AGBL1: variants seen among roughly 807,000 people sequenced by gnomAD.
AGBL1 encodes the protein AGBL carboxypeptidase 1, also known as cytosolic carboxypeptidase 4.
Under a neutral mutation model 118.9 loss-of-function variants are expected in AGBL1, and 130 were observed. That is an observed-to-expected ratio of 1.09 (90% CI 0.95 to 1.26). The LOEUF is 1.26. Among genes scored for constraint, AGBL1 ranks in the 50% most tolerant of loss-of-function variants. The pLI, the probability that AGBL1 is intolerant of heterozygous loss-of-function variation, is 0.00. For missense variants in AGBL1, 1,584 were observed against 1,298.1 expected (o/e 1.22, Z -3.38); for synonymous variants, 555 against 478.9 (o/e 1.16, Z -2.08).
intron 18 of AGBL1, among the ~76,000 whole-genome samples, chr15:86,495,315 C>G (rs569559935): frequency 6.6e-6 from 1 of 150,854 alleles, no homozygotes; most frequent in South Asian, 2.1e-4. Context: ...CAAAACAAAA[C>G]GAAACTCTAA....
chr15:86,090,361 T>TC (rs1161516276), intron 1 of AGBL1, among the ~76,000 whole-genome samples: 1 of 152,146 alleles, frequency 6.6e-6, no homozygotes, highest in East Asian at 1.9e-4. Context: ...GGAGGAAAAA[T>TC]CCCCCTATTA....
chr15:86,099,368 G>A (rs1049617524), intron 1 of AGBL1, among the ~76,000 whole-genome samples: 8 of 151,988 alleles, frequency 5.3e-5, no homozygotes, highest in Admixed American at 3.3e-4. Flanking sequence ...TTTTGTTATT[G>A]GTGTATAAAA....
intron 19 of AGBL1, among the ~76,000 whole-genome samples, chr15:86,524,064 C>A (rs1369533975): frequency 8.5e-5 from 13 of 152,128 alleles, no homozygotes; most frequent in Admixed American, 8.5e-4. Context: ...AAAAAGGTGG[C>A]ACATTCAATG....
At chr15:86,737,034 G>A (rs542733644) in intron 22 of AGBL1, among the ~76,000 whole-genome samples, 3 of 152,286 alleles carry the variant, frequency 2.0e-5, no homozygotes, top group African/African-American at 7.2e-5. Flanking sequence ...GCATTTATAT[G>A]CCCTGTACTG....
chr15:86,955,250 T>C (rs990491999), intron 23 of AGBL1, among the ~76,000 whole-genome samples: 1 of 152,104 alleles, frequency 6.6e-6, no homozygotes, highest in Non-Finnish European at 1.5e-5. Context: ...TTCATTGTAA[T>C]GAAATTTTTT....
downstream of AGBL1, among the ~76,000 whole-genome samples, chr15:86,918,371 T>C (rs530668376): frequency 6.6e-6 from 1 of 152,254 alleles, no homozygotes; most frequent in African/African-American, 2.4e-5. Flanking sequence ...CCCCATGGTG[T>C]AACACCTCGG....
intron 23 of AGBL1, among the ~76,000 whole-genome samples, chr15:86,983,593 A>T (rs915845650): frequency 6.6e-6 from 1 of 152,188 alleles, no homozygotes; most frequent in Non-Finnish European, 1.5e-5. Flanking sequence ...CATTTTAAGT[A>T]TATGGTTTGA....
intron 19 of AGBL1, among the ~76,000 whole-genome samples, chr15:86,545,319 A>T (rs1406411129): frequency 6.6e-6 from 1 of 152,206 alleles, no homozygotes; most frequent in Admixed American, 6.5e-5. Context: ...CTAGAGAAAA[A>T]TTAGAGTGAT....
chr15:86,968,792 G>GT (rs1466334959), intron 23 of AGBL1, among the ~76,000 whole-genome samples: 3 of 151,870 alleles, frequency 2.0e-5, no homozygotes, highest in Non-Finnish European at 2.9e-5. Flanking sequence ...AGGCTGGAAA[G>GT]TCCACAATCA....
At chr15:86,646,150 T>C (rs917292707) in intron 21 of AGBL1, among the ~76,000 whole-genome samples, 1 of 152,208 alleles carries the variant, frequency 6.6e-6, no homozygotes, top group Non-Finnish European at 1.5e-5. Context: ...CTTTTTCTCT[T>C]TGACAGAGTT....
At chr15:87,030,580 G>A (rs1303623100), downstream of AGBL1, among the ~76,000 whole-genome samples, 1 of 151,932 alleles carries the variant, frequency 6.6e-6, no homozygotes, top group Non-Finnish European at 1.5e-5. Flanking sequence ...TAAGGAAAGA[G>A]TAGAGAAAAT....
At chr15:86,985,933 T>C (rs1596709245) in intron 23 of AGBL1, among the ~76,000 whole-genome samples, 1 of 6,738 alleles carries the variant, frequency 1.5e-4, no homozygotes, top group Non-Finnish European at 7.5e-4. Context: ...TTTTTTTTTT[T>C]TTTTTTTTGA....
intron 21 of AGBL1, among the ~76,000 whole-genome samples, chr15:86,646,985 T>C (rs1301088486): frequency 6.6e-6 from 1 of 152,220 alleles, no homozygotes; most frequent in Non-Finnish European, 1.5e-5. Context: ...TATGACTTAA[T>C]GTATTTGAAC....
At chr15:86,381,714 G>A (rs906100424) in intron 17 of AGBL1, among the ~76,000 whole-genome samples, 1 of 152,154 alleles carries the variant, frequency 6.6e-6, no homozygotes, top group Admixed American at 6.5e-5. Context: ...AAGTCCAAGG[G>A]AGCTGGTCAA....
intron 22 of AGBL1, among the ~76,000 whole-genome samples, chr15:86,817,734 T>C (rs1386665572): frequency 2.6e-5 from 4 of 151,586 alleles, no homozygotes; most frequent in South Asian, 2.1e-4. Flanking sequence ...AAAAGATACA[T>C]TGAAGCCCTG....
chr15:86,846,366 T>C (rs2079318242), intron 22 of AGBL1, among the ~76,000 whole-genome samples: 1 of 152,208 alleles, frequency 6.6e-6, no homozygotes, highest in African/African-American at 2.4e-5. Context: ...TGATAAGAAG[T>C]CTGCCATTAA....
intron 21 of AGBL1, among the ~76,000 whole-genome samples, chr15:86,569,410 A>AG (rs1222038011): frequency 6.1e-4 from 69 of 114,026 alleles, no homozygotes; most frequent in African/African-American, 1.8e-3. Context: ...AAAGAAAACA[A>AG]GGAAAAAAAA....
In AGBL1 at chr15:86,881,666, A is replaced by G. The variant is rs566692372; in HGVS notation, c.3159-25421A>G. 7.2e-5 allele frequency among the ~76,000 whole-genome samples: 11 copies of G among 152,212 alleles called. No homozygotes were observed. The South Asian group carries it at 2.3e-3, about 32-fold the overall frequency. On this transcript the variant is annotated intron_variant, in intron 22 of 22. Coordinates refer to ENST00000614907, the MANE Select transcript of AGBL1 (RefSeq NM_001386094.1). ...ATTTATTTATTTAAGATAGGGTCTC[A>G]CTGTGTCACGCAGGCTGGAGTGCAG...
intron 24 of AGBL1, among the ~76,000 whole-genome samples, chr15:86,989,986 C>G (rs2081322593): frequency 6.6e-6 from 1 of 152,176 alleles, no homozygotes; most frequent in Admixed American, 6.5e-5. Flanking sequence ...TCTGACCTGA[C>G]AGGTTCTAAA....
Sources: allele counts gnomAD v4.1 joint callset (sites outside exome capture counted in the v4.1 genomes callset), GRCh38; gene constraint gnomAD v4.1.1; transcripts MANE v1.5; gene names NCBI Gene and HGNC (gene_info 2026-07-23, HGNC 2026-07-21).